The following PSPC1 variants were observed in gnomAD, a reference collection of about 807,000 sequenced individuals.
PSPC1 encodes paraspeckle protein 1.
In PSPC1, 14 loss-of-function variants were observed where a neutral mutation model predicts 51.6. The ratio of observed to expected loss-of-function variants is 0.27; its 90% confidence interval spans 0.18 to 0.42. The LOEUF is 0.42. Among genes scored for constraint, PSPC1 ranks in the 10% least tolerant of loss-of-function variants. The probability of loss-of-function intolerance (pLI) is 1.00; values close to 1 mark genes in which losing one functional copy is unlikely to be tolerated. For synonymous variants in PSPC1, 193 were observed against 231.9 expected (o/e 0.83, Z 1.53); for missense variants, 406 against 701.1 (o/e 0.58, Z 4.75).
chr13:19,688,185 A>T (rs922181125), intron 6 of PSPC1, among the ~76,000 whole-genome samples: 73 of 152,232 alleles, frequency 4.8e-4, no homozygotes, highest in African/African-American at 1.5e-3. Flanking sequence ...TGTATCTTAT[A>T]TGCATTTCTC....
downstream of PSPC1, chr13:19,672,706 T>C (rs1287236415): frequency 6.3e-6 from 1 of 159,860 alleles, no homozygotes; most frequent in African/African-American, 2.4e-5. Flanking sequence ...TTTGTAAATA[T>C]GCTGTAGTCA....
At chr13:19,699,058 A>C (rs1879598425), downstream of PSPC1, among the ~76,000 whole-genome samples, 2 of 151,960 alleles carry the variant, frequency 1.3e-5, no homozygotes. Flanking sequence ...ATCAGAAAAC[A>C]AGTTTTGTGG....
intron 6 of PSPC1, among the ~76,000 whole-genome samples, chr13:19,717,782 A>T (rs2137830033): frequency 6.6e-6 from 1 of 151,360 alleles, no homozygotes; most frequent in African/African-American, 2.4e-5. Context: ...GAAGGCTGAG[A>T]CAGGAGAATC....
At chr13:19,770,285 A>G (rs1888499813) in intron 2 of PSPC1, among the ~76,000 whole-genome samples, 1 of 152,236 alleles carries the variant, frequency 6.6e-6, no homozygotes, top group Admixed American at 6.6e-5. Context: ...AAAGGGCACA[A>G]GGGAACTTCT....
intron 5 of PSPC1, among the ~76,000 whole-genome samples, chr13:19,738,593 T>G (rs571840840): frequency 6.6e-6 from 1 of 152,306 alleles, no homozygotes; most frequent in East Asian, 1.9e-4. Flanking sequence ...TGTAAATAGT[T>G]GTTATACTGC....
intron 8 of PSPC1, among the ~76,000 whole-genome samples, chr13:19,704,996 C>T (rs1470824979): frequency 2.0e-5 from 3 of 152,140 alleles, no homozygotes; most frequent in Admixed American, 1.3e-4. Context: ...TGTGTTCATA[C>T]ATATTGGACT....
intron 6 of PSPC1, among the ~76,000 whole-genome samples, chr13:19,683,230 T>G (rs1162283514): frequency 2.6e-5 from 4 of 152,214 alleles, no homozygotes; most frequent in Admixed American, 1.3e-4. Flanking sequence ...AGTAGCTTTA[T>G]TCACAATAGC....
At chr13:19,704,380 T>A (rs17241375) in intron 8 of PSPC1, among the ~76,000 whole-genome samples, 2 of 152,170 alleles carry the variant, frequency 1.3e-5, no homozygotes, top group South Asian at 2.1e-4. Context: ...CTCCAAATTC[T>A]TGAAGCAAAT....
At chr13:19,749,355 T>TA (rs1886302505) in intron 4 of PSPC1, among the ~76,000 whole-genome samples, 1 of 151,010 alleles carries the variant, frequency 6.6e-6, no homozygotes, top group Admixed American at 6.6e-5. Flanking sequence ...TCTCAAATTT[T>TA]AAAAAAGCAA....
At chr13:19,773,406 C>A (rs949390585) in intron 1 of PSPC1, among the ~76,000 whole-genome samples, 2 of 151,570 alleles carry the variant, frequency 1.3e-5, no homozygotes, top group African/African-American at 4.8e-5. Flanking sequence ...CCCGCTACCA[C>A]GCCCAGCTAA....
intron 6 of PSPC1, among the ~76,000 whole-genome samples, chr13:19,715,390 T>C (rs1881974250): frequency 6.6e-6 from 1 of 152,214 alleles, no homozygotes; most frequent in African/African-American, 2.4e-5. Context: ...ATGGCACTTT[T>C]TGTGCAGAAC....
chr13:19,704,078 C>G (rs1162584338), intron 8 of PSPC1, among the ~76,000 whole-genome samples: 1 of 152,162 alleles, frequency 6.6e-6, no homozygotes. Flanking sequence ...GCAAAACAGA[C>G]CAAGGGTGAT....
chr13:19,712,155 G>A (rs889612555), intron 6 of PSPC1, among the ~76,000 whole-genome samples: 2 of 152,064 alleles, frequency 1.3e-5, no homozygotes, highest in African/African-American at 4.8e-5. Context: ...CAGCACCATC[G>A]AGTAAAATAC....
Position 19,782,322 on chromosome 13 carries a change from C to T in PSPC1, c.372+64G>A. 5.3e-6 allele frequency: 8 copies of T among 1,516,290 alleles called. No homozygotes were observed. The highest frequency in any genetic ancestry group is 7.0e-6 in the Non-Finnish European group (8 of 1,135,476). 93.9% of individuals were successfully genotyped at this position (1,516,290 alleles called of 1,614,324 possible). ...CGTCCTAGGACGAGGCTGGCCTCAG[C>T]CCCACGACCCCGCGGCCACCCCGAC... is the stretch of plus-strand genomic sequence containing the variant. On this transcript the variant is annotated intron_variant, in intron 1 of 8. Transcript: ENST00000338910. This position sits in a 1 kb window ranked among gnomAD's most constrained non-coding sequence, Gnocchi z 4.5.
At chr13:19,715,131 G>A (rs1217474715) in intron 6 of PSPC1, among the ~76,000 whole-genome samples, 1 of 152,100 alleles carries the variant, frequency 6.6e-6, no homozygotes, top group Non-Finnish European at 1.5e-5. Flanking sequence ...TTAAAACCTC[G>A]CTTTGGCTTA....
rs908169078 is a variant in PSPC1 at position 19,747,703 on chromosome 13, AT to A, written c.967+3567del. On this transcript the variant is annotated intron_variant, in intron 4 of 8. Transcript: ENST00000338910. The stretch of plus-strand genomic sequence containing the variant: ...CAAAAACATCTAATGACATATGCAA[AT>A]TTTTTTTCATTAAAGAATACAAAAG... 2.2e-4 allele frequency among the ~76,000 whole-genome samples: 33 copies of A among 152,218 alleles called. No individual in the cohort carries two copies. The East Asian group carries it at 4.4e-3, about 20-fold the overall frequency.
At chr13:19,747,136 C>T (rs866283499) in intron 4 of PSPC1, among the ~76,000 whole-genome samples, 3 of 152,004 alleles carry the variant, frequency 2.0e-5, no homozygotes, top group South Asian at 2.1e-4. Flanking sequence ...TCAACATTTA[C>T]AAAAATTTTC....
Position 19,711,844 on chromosome 13 carries a change from CA to C in PSPC1, c.1159-2246del, listed in dbSNP as rs1469656993. Reference sequence around the variant, plus strand: ...GGGTAACAAGAGCAAAACTCTGTCTCAAAAAAAAAAAAAGCTAGACTGTAAT... The same window carrying C: ...GGGTAACAAGAGCAAAACTCTGTCTCAAAAAAAAAAAAGCTAGACTGTAAT... On this transcript the variant is annotated intron_variant, in intron 6 of 8. Transcript: ENST00000338910. 3.7e-3 allele frequency among the ~76,000 whole-genome samples: 473 copies of C among 127,068 alleles called. 1 individual carries two copies. The highest frequency in any genetic ancestry group is 3.9e-3 in the African/African-American group (134 of 34,484). 83.4% of individuals were successfully genotyped at this position (127,068 alleles called of 152,430 possible).
chr13:19,681,169 C>G (rs879886308), intron 6 of PSPC1, among the ~76,000 whole-genome samples: 58 of 152,072 alleles, frequency 3.8e-4, no homozygotes, highest in Non-Finnish European at 4.7e-4. Flanking sequence ...GAGCTATGAT[C>G]AAGCCACTGC....
Sources: allele counts gnomAD v4.1 joint callset (sites outside exome capture counted in the v4.1 genomes callset), GRCh38; gene constraint gnomAD v4.1.1; non-coding constraint Gnocchi (gnomAD v3.1); transcripts MANE v1.5; gene names NCBI Gene and HGNC (gene_info 2026-07-23, HGNC 2026-07-21).